MYO1B: variants seen among roughly 807,000 people sequenced by gnomAD.
MYO1B encodes myosin IB.
A neutral mutation model predicts 159.7 loss-of-function variants in MYO1B; 72 were observed. The ratio of observed to expected loss-of-function variants is 0.45; its 90% CI spans 0.37 to 0.55. The LOEUF (loss-of-function observed/expected upper bound fraction) is 0.55. Among genes scored for constraint, MYO1B ranks in the 20% least tolerant of loss-of-function variants. The pLI is 0.00. For missense variants in MYO1B, 1,062 were observed against 1,364.8 expected (o/e 0.78, Z 3.50); for synonymous variants, 468 against 473.8 (o/e 0.99, Z 0.16).
intron 15 of MYO1B, among the ~76,000 whole-genome samples, chr2:191,384,118 C>G (rs1695263202): frequency 1.3e-5 from 2 of 152,160 alleles, no homozygotes; most frequent in Admixed American, 1.3e-4. Context: ...TTCGAGTAAG[C>G]TTTCTGAGTC....
At chr2:191,373,477 G>T (rs996449385) in intron 13 of MYO1B, among the ~76,000 whole-genome samples, 2 of 152,072 alleles carry the variant, frequency 1.3e-5, no homozygotes, top group African/African-American at 4.8e-5. Flanking sequence ...TAAAACATTG[G>T]GCCTCACCTA....
chr2:191,253,383 G>A (rs151229944), intron 1 of MYO1B, among the ~76,000 whole-genome samples: 6 of 152,152 alleles, frequency 3.9e-5, no homozygotes, highest in East Asian at 1.9e-4. Context: ...CATGTGAGCC[G>A]TACTTGGTTC....
At chr2:191,400,662 G>A in intron 22 of MYO1B, 87 bp from the exon 23 acceptor site, 7 of 1,466,810 alleles carry the variant, frequency 4.8e-6, no homozygotes, top group Non-Finnish European at 6.6e-6. Context: ...GGTGACTAGT[G>A]TCTCTCTTTT....
chr2:191,270,989 A>G (rs1453418008), intron 1 of MYO1B, among the ~76,000 whole-genome samples: 3 of 152,216 alleles, frequency 2.0e-5, no homozygotes, highest in African/African-American at 2.4e-5. Flanking sequence ...TCAGTTGTCA[A>G]TCGGAAATTT....
rs567734123 is a variant in MYO1B, at chr2:191,291,031, T to TG, written c.136-5078dup. Among the ~76,000 whole-genome samples, 10 of 152,302 alleles carry TG rather than the reference T, an allele frequency of 6.6e-5. No homozygotes were observed. In the South Asian group the frequency reaches 2.1e-3, roughly 32 times the overall value. On this transcript the variant is annotated intron_variant, in intron 2 of 30. Coordinates refer to ENST00000392318, the MANE Select transcript of MYO1B (RefSeq NM_001130158.3). ...TCTCTTTCAAAAAAGTACTGACCCC[T>TG]GGCCGTTCCCTACATCATTGAAGTA...
chr2:191,286,530 C>T (rs867712824), intron 2 of MYO1B, among the ~76,000 whole-genome samples: 36 of 152,304 alleles, frequency 2.4e-4, no homozygotes, highest in African/African-American at 8.2e-4. Flanking sequence ...AGGATTCCCA[C>T]TGGTCTGTCT....
At chr2:191,284,963 C>A (rs970450920) in intron 2 of MYO1B, among the ~76,000 whole-genome samples, 1 of 152,160 alleles carries the variant, frequency 6.6e-6, no homozygotes, top group African/African-American at 2.4e-5. Flanking sequence ...TAGTTAGATT[C>A]TTTCTCTTCT....
intron 3 of MYO1B, among the ~76,000 whole-genome samples, chr2:191,312,011 A>AATTTGT (rs1690030865): frequency 1.3e-5 from 2 of 152,238 alleles, no homozygotes; most frequent in Non-Finnish European, 2.9e-5. Flanking sequence ...TGTTAATGTC[A>AATTTGT]TACTTTGTCT....
intron 6 of MYO1B, 112 bp downstream of exon 6, chr2:191,346,394 A>G: frequency 1.5e-6 from 1 of 660,404 alleles, no homozygotes; most frequent in Non-Finnish European, 2.3e-6. Context: ...AATAAGAGGA[A>G]CATCATCTCT....
rs138093854 is a variant in MYO1B, at chr2:191,361,974, C to T, written c.662-294C>T. On this transcript the variant is annotated intron_variant, in intron 8 of 30. Transcript: ENST00000392318. ...ATAATGAAATAATATATTGAATCAC[C>T]AGGCAGACCTCATATGTTATAATGA... 6.2e-4 allele frequency among the ~76,000 whole-genome samples: 94 copies of T among 152,108 alleles called. 1 individual carries two copies. The East Asian group carries it at 0.013, about 21-fold the overall frequency.
chr2:191,362,378 T>G lies in MYO1B; in HGVS notation c.765+7T>G, dbSNP rs1309590814. The G allele has an allele frequency of 6.2e-7, 1 of 1,608,924 alleles. No homozygotes were observed. Among genetic ancestry groups the G allele is most frequent in the African/African-American group, 1.3e-5 (1 of 74,800 alleles). On this transcript the variant is annotated splice_region_variant and intron_variant, in intron 9 of 30. Transcript: ENST00000392318. Reference sequence around the variant, plus strand: ...AAATTTTAGAACCGTGCGGGTAAGATGTAGTACTTTCATCAAGCTTTAAAT... The same window carrying G: ...AAATTTTAGAACCGTGCGGGTAAGAGGTAGTACTTTCATCAAGCTTTAAAT...
chr2:191,357,302 A>C (rs1031579233), intron 7 of MYO1B, among the ~76,000 whole-genome samples: 2 of 152,178 alleles, frequency 1.3e-5, no homozygotes, highest in Non-Finnish European at 2.9e-5. Flanking sequence ...GTTGTGGACT[A>C]GCTGTTAATG....
chr2:191,309,346 G>A (rs1029370466), intron 3 of MYO1B, among the ~76,000 whole-genome samples: 3 of 152,028 alleles, frequency 2.0e-5, no homozygotes, highest in African/African-American at 7.2e-5. Flanking sequence ...CGTGTGCCAG[G>A]CCACTACCCT....
chr2:191,291,084 G>T (rs1688661148), intron 2 of MYO1B, among the ~76,000 whole-genome samples: 1 of 152,168 alleles, frequency 6.6e-6, no homozygotes, highest in Non-Finnish European at 1.5e-5. Flanking sequence ...AGTTCTGAAA[G>T]AACTTTCTTA....
intron 2 of MYO1B, among the ~76,000 whole-genome samples, chr2:191,291,635 C>T (rs796128461): frequency 2.0e-5 from 3 of 152,228 alleles, no homozygotes; most frequent in African/African-American, 7.2e-5. Flanking sequence ...GAGGGGTGAG[C>T]CTAGAAATGC....
At chr2:191,308,925 T>C (rs1689816571) in intron 3 of MYO1B, among the ~76,000 whole-genome samples, 1 of 152,212 alleles carries the variant, frequency 6.6e-6, no homozygotes, top group Admixed American at 6.5e-5. Context: ...TGCTGGCTGC[T>C]CCATATCCAG....
At chr2:191,346,502 A>G (rs116809384) in intron 6 of MYO1B, among the ~76,000 whole-genome samples, 2,744 of 152,296 alleles carry the variant, frequency 0.018, 40 homozygotes, top group Middle Eastern at 0.037. Flanking sequence ...TTTTCTTGAC[A>G]TCTTCTATCA....
At position 191,424,287 on chromosome 2, in the gene MYO1B, G is replaced by T; in HGVS notation, c.*327G>T. ...ATTAATTAATATAAGCATAGGAAAT[G>T]GTCTTAAAAGATACTGCATTCATTC... On this transcript the variant is annotated 3_prime_UTR_variant, in exon 31 of 31. Coordinates refer to ENST00000392318, the MANE Select transcript of MYO1B (RefSeq NM_001130158.3). The T allele has an allele frequency of 8.6e-6, 2 of 232,126 alleles. No individual in the cohort carries two copies. Among genetic ancestry groups the T allele is most frequent in the Non-Finnish European group, 1.7e-5 (2 of 119,434 alleles). 14.4% of individuals were successfully genotyped at this position (232,126 alleles called of 1,614,324 possible).
chr2:191,391,554 GGT>G (rs149757721), intron 18 of MYO1B, among the ~76,000 whole-genome samples: 2,399 of 152,250 alleles, frequency 0.016, 59 homozygotes, highest in African/African-American at 0.054. Context: ...CTAGTCTGCA[GGT>G]GGGTGGAGTG....
Sources: gnomAD v4.1 joint callset for allele counts (sites outside exome capture counted in the v4.1 genomes callset) on GRCh38, gnomAD v4.1.1 for gene constraint, MANE v1.5 for transcripts, NCBI Gene and HGNC (gene_info 2026-07-23, HGNC 2026-07-21) for gene names.